Variants in ADGRG1 observed in about 807,000 individuals in gnomAD.
ADGRG1 encodes the protein 7-transmembrane protein with no EGF-like N-terminal domains-1.
A neutral mutation model predicts 73.5 loss-of-function variants in ADGRG1; 53 were observed. That is an observed-to-expected ratio of 0.72 (90% CI 0.58 to 0.91). The LOEUF is 0.91. ADGRG1 is among the 40% of genes least tolerant of loss of function. The probability of loss-of-function intolerance (pLI) is 0.00; values close to 1 mark genes in which losing one functional copy is unlikely to be tolerated. For missense variants in ADGRG1, 795 were observed against 871.8 expected (o/e 0.91, Z 1.11); for synonymous variants, 394 against 374.4 (o/e 1.05, Z -0.60).
chr16:57,633,474 T>G lies in ADGRG1; in HGVS notation c.-36+4672T>G, dbSNP rs372713588. On this transcript the variant is annotated intron_variant, in intron 1 of 13. Coordinates refer to ENST00000562631, the MANE Select transcript of ADGRG1 (RefSeq NM_201525.4). Reference sequence around the variant, plus strand: ...GAGACGCAGACCCTGTCCCCAGCTGTCCCAGACCTTTGCTTTTCCATCCCT... The same window carrying G: ...GAGACGCAGACCCTGTCCCCAGCTGGCCCAGACCTTTGCTTTTCCATCCCT... 8.4e-5 allele frequency: 83 copies of G among 985,336 alleles called. 2 individuals are homozygous for G. In the East Asian group the frequency reaches 4.7e-3, roughly 55 times the overall value. 61.0% of individuals were successfully genotyped at this position (985,336 alleles called of 1,614,324 possible).
intron 1 of ADGRG1, among the ~76,000 whole-genome samples, chr16:57,649,901 C>A (rs11647021): frequency 0.077 from 11,740 of 152,162 alleles, 554 homozygotes; most frequent in East Asian, 0.13. Flanking sequence ...CCTCAGCCTC[C>A]CTAGTAGCTG....
chr16:57,644,695 CAT>C (rs1247332504), intron 1 of ADGRG1, among the ~76,000 whole-genome samples: 3 of 120,616 alleles, frequency 2.5e-5, no homozygotes, highest in South Asian at 6.0e-4. Context: ...CAAGCACACA[CAT>C]GCACGGGCAC....
In ADGRG1 at chr16:57,655,524, G is replaced by C. The variant is rs775847810; in HGVS notation, c.894G>C (p.Leu298=). 6.2e-7 allele frequency: 1 copy of C among 1,613,882 alleles called. No individual in the cohort carries two copies. The highest frequency in any genetic ancestry group is 8.5e-7 in the Non-Finnish European group (1 of 1,180,030). Reference sequence around the variant, plus strand: ...TGGTGGACTTCAGCAGCCAAGCCCTGTTCCAGGTATGGGGTCCTCACCCTC... The same window carrying C: ...TGGTGGACTTCAGCAGCCAAGCCCTCTTCCAGGTATGGGGTCCTCACCCTC... The part of the protein sequence containing the change: ...LLLVDFSSQA[L]FQDKNSSQVL... The change falls in exon 6 of 14, where the codon CTG becomes CTC. Residue 298 remains leucine, a synonymous_variant. Coordinates refer to ENST00000562631, the MANE Select transcript of ADGRG1 (RefSeq NM_201525.4).
At chr16:57,627,215 G>A (rs16958406), upstream of ADGRG1, 5,597 of 361,890 alleles carry the variant, frequency 0.015, 263 homozygotes, top group African/African-American at 0.11. Flanking sequence ...TAGGCTGCCC[G>A]AGACGTTCCA....
chr16:57,635,206 C>T (rs377231928), intron 1 of ADGRG1: 1 of 985,282 alleles, frequency 1.0e-6, no homozygotes, highest in Non-Finnish European at 1.2e-6. Flanking sequence ...TGCCCCCCAC[C>T]TGCCTAGAGC....
chr16:57,636,256 G>C, intron 1 of ADGRG1: 2 of 985,330 alleles, frequency 2.0e-6, no homozygotes, highest in African/African-American at 1.7e-5. Context: ...GAAAATCCAA[G>C]GTTCAGTGCT....
chr16:57,623,247 G>A (rs1567655536), upstream of ADGRG1: 2 of 984,994 alleles, frequency 2.0e-6, no homozygotes, highest in Non-Finnish European at 1.2e-6. Context: ...CGGGGGTGGG[G>A]TGGATAGAGG....
chr16:57,645,637 G>A (rs1313825761), intron 1 of ADGRG1, among the ~76,000 whole-genome samples: 6 of 152,120 alleles, frequency 3.9e-5, no homozygotes, highest in African/African-American at 1.4e-4. Flanking sequence ...TCATAAGCCC[G>A]TGGTTCCCAA....
At chr16:57,649,073 G>T (rs538697114) in intron 1 of ADGRG1, among the ~76,000 whole-genome samples, 61 of 152,330 alleles carry the variant, frequency 4.0e-4, no homozygotes, top group Middle Eastern at 3.4e-3. Context: ...CTAATAGAGA[G>T]CTTAGGGGGT....
rs1400586355 is a variant in ADGRG1 at position 57,636,041 on chromosome 16, C to T, written c.-36+7239C>T. On this transcript the variant is annotated intron_variant, in intron 1 of 13. Coordinates refer to ENST00000562631, the MANE Select transcript of ADGRG1 (RefSeq NM_201525.4). Reference sequence around the variant, plus strand: ...CCCAGCCTGCTAGATCGCAGGACCCCATGGCCATAGGCACGTGCCCTTTCT... The same window carrying T: ...CCCAGCCTGCTAGATCGCAGGACCCTATGGCCATAGGCACGTGCCCTTTCT... 7 of 985,378 alleles carry T rather than the reference C, an allele frequency of 7.1e-6. No individual in the cohort carries two copies. The East Asian group carries it at 6.8e-4, about 96-fold the overall frequency. 61.0% of individuals were successfully genotyped at this position (985,378 alleles called of 1,614,324 possible). A position where few individuals can be genotyped will look rare whatever the true frequency, so the allele number is the denominator to read the frequency against.
At chr16:57,627,621 T>C (rs1221262998), upstream of ADGRG1, 1 of 207,328 alleles carries the variant, frequency 4.8e-6, no homozygotes, top group Non-Finnish European at 8.4e-6. Flanking sequence ...GGAGCTGGAA[T>C]GCAGACGGTG....
intron 1 of ADGRG1, among the ~76,000 whole-genome samples, chr16:57,644,708 A>G (rs1174445365): frequency 1.7e-5 from 1 of 58,204 alleles, no homozygotes; most frequent in African/African-American, 8.0e-5. Context: ...GCACGGGCAC[A>G]CACTGATCAC....
chr16:57,635,683 C>A, intron 1 of ADGRG1: 2 of 983,040 alleles, frequency 2.0e-6, no homozygotes, highest in South Asian at 9.4e-5. Flanking sequence ...TGTGGCTCAG[C>A]CCCTCTGAGC....
intron 1 of ADGRG1, chr16:57,634,595 C>G: frequency 4.3e-6 from 2 of 466,638 alleles, no homozygotes; most frequent in Non-Finnish European, 2.8e-6. Flanking sequence ...TAGCAGAGCC[C>G]GAACCCAGTC....
At chr16:57,650,450 G>A (rs2043760407) in intron 2 of ADGRG1, 99 bp downstream of exon 2, 1 of 1,602,478 alleles carries the variant, frequency 6.2e-7, no homozygotes, top group Admixed American at 1.7e-5. Context: ...CCTTTAGGCA[G>A]TTACAGCTCG....
intron 1 of ADGRG1, chr16:57,634,904 C>G (rs934333887): frequency 6.3e-5 from 61 of 962,418 alleles, no homozygotes; most frequent in African/African-American, 8.8e-5. Context: ...ATCTAGAAAC[C>G]CTCTTCATAG....
intron 1 of ADGRG1, chr16:57,639,392 C>T (rs1248895990): frequency 7.1e-6 from 7 of 985,298 alleles, no homozygotes; most frequent in South Asian, 9.4e-5. Context: ...GCCAGGGCAA[C>T]GGTTGCCAGG....
chr16:57,630,046 A>G (rs17378109), intron 1 of ADGRG1: 88,989 of 978,406 alleles, frequency 0.091, 4,365 homozygotes, highest in African/African-American at 0.18. Context: ...GTGGACCAAG[A>G]AAGTTATTTA....
chr16:57,636,052 G>T, intron 1 of ADGRG1: 2 of 985,348 alleles, frequency 2.0e-6, no homozygotes, highest in Non-Finnish European at 2.4e-6. Context: ...ATGGCCATAG[G>T]CACGTGCCCT....
Sources: allele counts gnomAD v4.1 joint callset (sites outside exome capture counted in the v4.1 genomes callset), GRCh38; gene constraint gnomAD v4.1.1; transcripts MANE v1.5; gene names NCBI Gene and HGNC (gene_info 2026-07-23, HGNC 2026-07-21).